The following FLVCR2 variants were observed in gnomAD, a reference collection of about 807,000 sequenced individuals.
The protein encoded by FLVCR2 is choline/ethanolamine transporter FLVCR2.
A neutral mutation model predicts 48.9 loss-of-function variants in FLVCR2; 38 were observed. That is an observed-to-expected ratio of 0.78 (90% CI 0.60 to 1.02). FLVCR2 has a LOEUF of 1.02. Among genes scored for constraint, FLVCR2 ranks in the 50% least tolerant of loss-of-function variants. The pLI, the probability that FLVCR2 is intolerant of heterozygous loss-of-function variation, is 0.00. For synonymous variants in FLVCR2, 255 were observed against 257.0 expected (o/e 0.99, Z 0.07); for missense variants, 664 against 663.3 (o/e 1.00, Z -0.01).
chr14:75,635,585 C>G (rs577661953), intron 5 of FLVCR2, among the ~76,000 whole-genome samples: 5 of 152,314 alleles, frequency 3.3e-5, no homozygotes, highest in African/African-American at 1.2e-4. Context: ...TTTTATCAGG[C>G]TGGGCGCAGT....
At chr14:75,603,619 C>CA in intron 1 of FLVCR2, among the ~76,000 whole-genome samples, 1 of 152,330 alleles carries the variant, frequency 6.6e-6, no homozygotes, top group East Asian at 1.9e-4. Flanking sequence ...TCTCTGCCCT[C>CA]ATGAAAAGGC....
chr14:75,644,363 C>A (rs1463374988), intron 9 of FLVCR2, among the ~76,000 whole-genome samples: 1 of 152,194 alleles, frequency 6.6e-6, no homozygotes, highest in South Asian at 2.1e-4. Context: ...TATACCACAA[C>A]CTCATGTCTA....
intron 3 of FLVCR2, among the ~76,000 whole-genome samples, chr14:75,627,279 A>C (rs1889923438): frequency 6.6e-6 from 1 of 152,114 alleles, no homozygotes; most frequent in African/African-American, 2.4e-5. Flanking sequence ...TGAATGGTGG[A>C]GTAAGGACCT....
chr14:75,590,704 T>C (rs1323220726), intron 1 of FLVCR2, among the ~76,000 whole-genome samples: 2 of 152,224 alleles, frequency 1.3e-5, no homozygotes, highest in African/African-American at 4.8e-5. Flanking sequence ...CTTTCTTGCT[T>C]CTACTCTGTC....
intron 1 of FLVCR2, among the ~76,000 whole-genome samples, chr14:75,603,420 G>A (rs1245940433): frequency 6.6e-6 from 1 of 152,154 alleles, no homozygotes; most frequent in Admixed American, 6.5e-5. Context: ...AGTCAGCTGG[G>A]GACAGCCAGA....
At chr14:75,594,171 A>G (rs1016166379) in intron 1 of FLVCR2, among the ~76,000 whole-genome samples, 7 of 150,798 alleles carry the variant, frequency 4.6e-5, no homozygotes, top group African/African-American at 1.4e-4. Context: ...CCTCATTTCC[A>G]TCTGACACCT....
chr14:75,612,247 C>T (rs560518910), intron 1 of FLVCR2, among the ~76,000 whole-genome samples: 42 of 152,294 alleles, frequency 2.8e-4, no homozygotes, highest in African/African-American at 1.0e-3. Context: ...GTAGGCTATC[C>T]TAATTTCAGT....
chr14:75,621,253 ATACAAAAATTAGCCAGGTGT>A (rs1298967293), intron 1 of FLVCR2, among the ~76,000 whole-genome samples: 8 of 152,142 alleles, frequency 5.3e-5, no homozygotes, highest in African/African-American at 1.7e-4. Flanking sequence ...TCTACTAAAA[ATACAAAAATTAGCCAGGTGT>A]GGCGCACGCC....
At chr14:75,622,978 T>C (rs2140038328) in intron 2 of FLVCR2, among the ~76,000 whole-genome samples, 1 of 152,232 alleles carries the variant, frequency 6.6e-6, no homozygotes, top group East Asian at 1.9e-4. Flanking sequence ...TATTTATTTA[T>C]TTATTTATTT....
At chr14:75,640,069 C>A (rs1444599068) in intron 6 of FLVCR2, among the ~76,000 whole-genome samples, 4 of 151,966 alleles carry the variant, frequency 2.6e-5, no homozygotes, top group South Asian at 2.1e-4. Context: ...ACCAGCCTGG[C>A]CAATATGGTG....
At chr14:75,600,107 A>G (rs1446455733) in intron 1 of FLVCR2, among the ~76,000 whole-genome samples, 2 of 152,196 alleles carry the variant, frequency 1.3e-5, no homozygotes, top group Non-Finnish European at 2.9e-5. Context: ...TAAAGAGGCC[A>G]GCCAAAACCC....
rs560380189 is a variant in FLVCR2, at chr14:75,619,657, G to T, written c.670-2422G>T. Among the ~76,000 whole-genome samples, 4 of 152,328 alleles carry T rather than the reference G, an allele frequency of 2.6e-5. No homozygotes were observed. The East Asian group carries it at 5.8e-4, about 22-fold the overall frequency. ...CTTACAGTCTAATCCTGATGTTTTG[G>T]TTTTCCACACTGGGCATAAATGTAC... On this transcript the variant is annotated intron_variant, in intron 1 of 9. Coordinates refer to ENST00000238667, the MANE Select transcript of FLVCR2 (RefSeq NM_017791.3).
In FLVCR2 at chr14:75,647,576, C is replaced by T. The variant is rs141551476; in HGVS notation, c.*1104C>T. On this transcript the variant is annotated 3_prime_UTR_variant, in exon 10 of 10. Transcript: ENST00000238667. ...CAGTATTTGCACCACCAACCCCTCTCCTCACCTGCTTTGAGCGATAATCTT... is the reference window on the plus strand; with the variant it reads ...CAGTATTTGCACCACCAACCCCTCTTCTCACCTGCTTTGAGCGATAATCTT... 1 of 152,672 alleles carries T rather than the reference C, an allele frequency of 6.5e-6. No individual in the cohort carries two copies. The highest frequency in any genetic ancestry group is 2.4e-5 in the African/African-American group (1 of 41,452). The allele number at this position is 152,672 out of a possible 1,614,324, so 9.5% of individuals were successfully genotyped here.
At chr14:75,646,335 C>A (rs1222311247) in intron 9 of FLVCR2, 66 bp from the exon 10 acceptor site, 5 of 1,126,954 alleles carry the variant, frequency 4.4e-6, no homozygotes, top group Non-Finnish European at 5.4e-6. Flanking sequence ...GGCCAGGCAG[C>A]TGCTCCAGCC....
At chr14:75,594,049 T>C (rs1888957657) in intron 1 of FLVCR2, among the ~76,000 whole-genome samples, 1 of 152,252 alleles carries the variant, frequency 6.6e-6, no homozygotes, top group East Asian at 1.9e-4. Context: ...TCCTAGTTCA[T>C]CACTCTTAAG....
chr14:75,628,191 T>A (rs113562234), intron 3 of FLVCR2, among the ~76,000 whole-genome samples: 87 of 152,252 alleles, frequency 5.7e-4, no homozygotes, highest in African/African-American at 2.1e-3. Flanking sequence ...CTCGGCTCAC[T>A]GCAACCTCCA....
chr14:75,583,672 G>T (rs1248543774), intron 1 of FLVCR2, among the ~76,000 whole-genome samples: 1 of 152,120 alleles, frequency 6.6e-6, no homozygotes, highest in African/African-American at 2.4e-5. Flanking sequence ...TGGGCAGGTG[G>T]GGATAACTAA....
intron 1 of FLVCR2, among the ~76,000 whole-genome samples, chr14:75,621,386 G>A (rs1237524223): frequency 1.3e-5 from 2 of 148,744 alleles, no homozygotes; most frequent in African/African-American, 2.5e-5. Flanking sequence ...CCAGCCAGGC[G>A]ACACAGCGAG....
intron 1 of FLVCR2, among the ~76,000 whole-genome samples, chr14:75,615,487 AC>A (rs1380924144): frequency 6.6e-6 from 1 of 152,134 alleles, no homozygotes; most frequent in East Asian, 1.9e-4. Context: ...GAAAGGGCCA[AC>A]CCTGCAGACA....
Sources: allele counts gnomAD v4.1 joint callset (sites outside exome capture counted in the v4.1 genomes callset), GRCh38; gene constraint gnomAD v4.1.1; transcripts MANE v1.5; gene names NCBI Gene and HGNC (gene_info 2026-07-23, HGNC 2026-07-21).